The following HDAC9 variants were observed in gnomAD, a reference collection of about 807,000 sequenced individuals.
HDAC9 encodes histone deacetylase 9.
A neutral mutation model predicts 139.4 loss-of-function variants in HDAC9; 41 were observed. That is an observed-to-expected ratio of 0.29 (90% CI 0.23 to 0.38). HDAC9 has a LOEUF of 0.38. Among genes scored for constraint, HDAC9 ranks in the 10% least tolerant of loss-of-function variants. HDAC9 has a pLI of 1.00. For synonymous variants in HDAC9, 517 were observed against 476.2 expected (o/e 1.09, Z -1.12); for missense variants, 1,147 against 1,297.0 (o/e 0.88, Z 1.78).
At chr7:18,858,944 A>G (rs1187077842) in intron 21 of HDAC9, among the ~76,000 whole-genome samples, 1 of 152,194 alleles carries the variant, frequency 6.6e-6, no homozygotes, top group African/African-American at 2.4e-5. Flanking sequence ...GCCTCATTGA[A>G]TCAGAGCACT....
intron 22 of HDAC9, among the ~76,000 whole-genome samples, chr7:18,926,043 G>A (rs913564658): frequency 1.3e-5 from 2 of 152,030 alleles, no homozygotes; most frequent in Admixed American, 6.6e-5. Context: ...TAAATGAAAA[G>A]CTTTCATTAA....
chr7:18,984,013 C>T (rs1199397569), intron 25 of HDAC9, among the ~76,000 whole-genome samples: 2 of 152,056 alleles, frequency 1.3e-5, no homozygotes, highest in African/African-American at 4.8e-5. Context: ...TATTCACCGA[C>T]CACTAACCCC....
chr7:18,970,314 T>C (rs1327306469), intron 24 of HDAC9, among the ~76,000 whole-genome samples: 1 of 151,922 alleles, frequency 6.6e-6, no homozygotes, highest in East Asian at 1.9e-4. Context: ...AGATAATCAA[T>C]ATAAAGAAGA....
intron 1 of HDAC9, among the ~76,000 whole-genome samples, chr7:18,461,142 A>G (rs529076409): frequency 6.6e-6 from 1 of 152,296 alleles, no homozygotes; most frequent in East Asian, 1.9e-4. Context: ...ATACACACAT[A>G]TATTTCTCTC....
In HDAC9 at chr7:18,571,117, G is replaced by T. The variant is rs556179540; in HGVS notation, c.23-14164G>T. Among the ~76,000 whole-genome samples, 3 of 152,352 alleles carry T rather than the reference G, an allele frequency of 2.0e-5. No homozygotes were observed. In the East Asian group the frequency reaches 5.8e-4, roughly 29 times the overall value. On this transcript the variant is annotated intron_variant, in intron 2 of 25. Transcript: ENST00000686413. ...ATAAATATAGCTGCCAATCCATTTAGCTTGGCAAGGCTTATATGAGCACAT... is the reference window on the plus strand; with the variant it reads ...ATAAATATAGCTGCCAATCCATTTATCTTGGCAAGGCTTATATGAGCACAT...
chr7:18,503,009 T>G (rs1246253409), intron 2 of HDAC9, among the ~76,000 whole-genome samples: 2 of 152,222 alleles, frequency 1.3e-5, no homozygotes, highest in African/African-American at 4.8e-5. Flanking sequence ...TATTACATTT[T>G]AAGAATCATG....
chr7:18,935,972 G>A, intron 23 of HDAC9, 30 bp downstream of exon 23: 3 of 1,596,234 alleles, frequency 1.9e-6, no homozygotes, highest in South Asian at 2.2e-5. Flanking sequence ...AAGGGGCAGG[G>A]GTAAAGAATC....
At chr7:18,800,296 G>A (rs1014395725) in intron 17 of HDAC9, among the ~76,000 whole-genome samples, 2 of 152,070 alleles carry the variant, frequency 1.3e-5, no homozygotes, top group Non-Finnish European at 2.9e-5. Flanking sequence ...CTATCTGATA[G>A]GAAAAATTTT....
intron 12 of HDAC9, among the ~76,000 whole-genome samples, chr7:18,708,917 C>A (rs375629410): frequency 4.6e-5 from 7 of 152,088 alleles, no homozygotes; most frequent in African/African-American, 1.7e-4. Context: ...TCTCCACACA[C>A]ACCCACACAC....
intron 2 of HDAC9, among the ~76,000 whole-genome samples, chr7:18,527,263 TG>T (rs1334535047): frequency 6.6e-6 from 1 of 152,160 alleles, no homozygotes; most frequent in Non-Finnish European, 1.5e-5. Context: ...AAAAATTTGT[TG>T]GAGAGTGAAA....
intron 12 of HDAC9, chr7:18,668,133 G>A: frequency 1.2e-6 from 1 of 854,784 alleles, no homozygotes; most frequent in African/African-American, 1.8e-5. Flanking sequence ...AAATGTTACT[G>A]CTAAAGATAC....
At chr7:18,413,905 A>G (rs1160993110) in intron 1 of HDAC9, among the ~76,000 whole-genome samples, 1 of 152,154 alleles carries the variant, frequency 6.6e-6, no homozygotes, top group Non-Finnish European at 1.5e-5. Context: ...ACATACTTTA[A>G]TATTTGGGAC....
chr7:18,686,721 C>CT (rs1782302918), intron 12 of HDAC9, among the ~76,000 whole-genome samples: 1 of 151,894 alleles, frequency 6.6e-6, no homozygotes. Flanking sequence ...AATTTTAACT[C>CT]TGTCAACATT....
intron 11 of HDAC9, among the ~76,000 whole-genome samples, chr7:18,660,801 C>T (rs1389833787): frequency 6.6e-6 from 1 of 152,014 alleles, no homozygotes; most frequent in Non-Finnish European, 1.5e-5. Flanking sequence ...ACGGGGCAAC[C>T]AGAGGCCAGG....
intron 25 of HDAC9, among the ~76,000 whole-genome samples, chr7:18,978,431 T>A (rs781671218): frequency 6.6e-6 from 1 of 152,180 alleles, no homozygotes; most frequent in Non-Finnish European, 1.5e-5. Context: ...GATAGTCATT[T>A]CGTTTTTATA....
Position 18,835,543 on chromosome 7 carries a change from A to T in HDAC9, c.2543A>T (p.Tyr848Phe). 1 of 1,613,762 alleles carries T rather than the reference A, an allele frequency of 6.2e-7. No individual in the cohort carries two copies. The highest frequency in any genetic ancestry group is 1.3e-5 in the African/African-American group (1 of 75,026). The change falls in exon 20 of 26, where the codon TAT (tyrosine) becomes TTT (phenylalanine). Residue 848 changes from tyrosine to phenylalanine, a missense_variant. This residue lies in a region of HDAC9 where 407 missense variants were observed against 521.5 expected (regional missense o/e 0.78). Coordinates refer to ENST00000686413, the MANE Select transcript of HDAC9 (RefSeq NM_178425.4). ...PSILYISLHR[Y>F]DEGNFFPGSG... is the part of the protein sequence containing the mutation. ...ATCCTGTACATTTCACTCCATCGCT[A>T]TGATGAAGGGAACTTTTTCCCTGGC...
At chr7:18,529,283 T>C (rs1329680865) in intron 2 of HDAC9, among the ~76,000 whole-genome samples, 2 of 152,198 alleles carry the variant, frequency 1.3e-5, no homozygotes, top group Non-Finnish European at 2.9e-5. Flanking sequence ...CTTCCTCATC[T>C]TCCTAAGGTT....
At chr7:18,242,582 GC>G (rs1794256871) in intron 2 of HDAC9, among the ~76,000 whole-genome samples, 1 of 152,078 alleles carries the variant, frequency 6.6e-6, no homozygotes, top group Non-Finnish European at 1.5e-5. Flanking sequence ...ATATATTTAT[GC>G]CATTCTCTAT....
Position 18,373,708 on chromosome 7 carries a change from A to G in HDAC9, c.-42+83193A>G, listed in dbSNP as rs576324211. 1.2e-4 allele frequency among the ~76,000 whole-genome samples: 18 copies of G among 152,302 alleles called. No individual in the cohort carries two copies. In the South Asian group the frequency reaches 3.5e-3, roughly 30 times the overall value. On this transcript the variant is annotated intron_variant, in intron 1 of 3. Coordinates refer to the HDAC9 transcript ENST00000413509. ...AAAGAAGCTTTGAAGGAAACATGACAAAACTTAAACTCTTCAGGTAACCCT... is the reference window on the plus strand; with the variant it reads ...AAAGAAGCTTTGAAGGAAACATGACGAAACTTAAACTCTTCAGGTAACCCT...
Sources: gnomAD v4.1 joint callset for allele counts (sites outside exome capture counted in the v4.1 genomes callset) on GRCh38, gnomAD v4.1.1 for gene constraint, gnomAD v4.1.1 regional missense constraint, MANE v1.5 for transcripts, NCBI Gene and HGNC (gene_info 2026-07-23, HGNC 2026-07-21) for gene names.